The following RFX3 variants were observed in gnomAD, a reference collection of about 807,000 sequenced individuals.
RFX3 encodes regulatory factor X3, also known as transcription factor RFX3.
RFX3 carries 14 observed loss-of-function variants against 98.6 expected under a neutral mutation model. That is an observed-to-expected ratio of 0.14 (90% confidence interval 0.09 to 0.22). The LOEUF (loss-of-function observed/expected upper bound fraction) is 0.22, where lower values mean the gene tolerates loss of function less well. Ranked by LOEUF, RFX3 falls within the 10% of genes least tolerant of loss-of-function variation. The probability of loss-of-function intolerance (pLI) is 1.00; values close to 1 mark genes in which losing one functional copy is unlikely to be tolerated. For missense variants in RFX3, 639 were observed against 926.9 expected (o/e 0.69, Z 4.03); for synonymous variants, 383 against 328.4 (o/e 1.17, Z -1.80).
intron 1 of RFX3, among the ~76,000 whole-genome samples, chr9:3,425,971 C>T (rs1303139874): frequency 6.6e-6 from 1 of 152,068 alleles, no homozygotes; most frequent in Non-Finnish European, 1.5e-5. Flanking sequence ...CTTGAATTTT[C>T]ACTTAGCTTT....
intron 1 of RFX3, among the ~76,000 whole-genome samples, chr9:3,447,122 C>T (rs2132788646): frequency 6.6e-6 from 1 of 152,126 alleles, no homozygotes; most frequent in Middle Eastern, 3.4e-3. Flanking sequence ...AAATTCACAC[C>T]TTGATAATTT....
At chr9:3,401,554 T>A (rs1033862860) in intron 1 of RFX3, among the ~76,000 whole-genome samples, 7 of 152,208 alleles carry the variant, frequency 4.6e-5, no homozygotes, top group Non-Finnish European at 7.3e-5. Context: ...CAGTCACAAA[T>A]GCCGTCACAT....
At position 3,458,961 on chromosome 9, in the gene RFX3, G is replaced by A. The variant is rs909144889; in HGVS notation, c.-8-63365C>T. Among the ~76,000 whole-genome samples the A allele has an allele frequency of 7.2e-5, 11 of 152,192 alleles. No homozygotes were observed. The East Asian group carries it at 1.2e-3, about 16-fold the overall frequency. ...GTATTGAAAACATTCCTGCATTGCC[G>A]TAGACACTGAATTAAATAAATGCTA... On this transcript the variant is annotated intron_variant, in intron 1 of 16. Coordinates refer to ENST00000617270, the MANE Select transcript of RFX3 (RefSeq NM_001282116.2).
intron 1 of RFX3, among the ~76,000 whole-genome samples, chr9:3,444,258 C>T (rs1845843869): frequency 6.6e-6 from 1 of 152,032 alleles, no homozygotes; most frequent in Admixed American, 6.6e-5. Flanking sequence ...CCATTACAGG[C>T]AACAATATAG....
At chr9:3,460,315 G>A (rs1261935556) in intron 1 of RFX3, among the ~76,000 whole-genome samples, 1 of 151,978 alleles carries the variant, frequency 6.6e-6, no homozygotes, top group South Asian at 2.1e-4. Flanking sequence ...ATTTTCTTAT[G>A]AGATGCAAAT....
chr9:3,394,509 A>T (rs543198955), intron 2 of RFX3, among the ~76,000 whole-genome samples: 1 of 152,328 alleles, frequency 6.6e-6, no homozygotes, highest in South Asian at 2.1e-4. Context: ...AGATGTCTTT[A>T]CTTATCCTAA....
rs117094953 is a variant in RFX3, at chr9:3,443,997, G to C, written c.-8-48401C>G. Among the ~76,000 whole-genome samples, 1,520 of 152,306 alleles carry C rather than the reference G, an allele frequency of 1.0e-2. 11 individuals are homozygous for C. Among genetic ancestry groups the C allele is most frequent in the Non-Finnish European group, 0.016 (1,084 of 68,014 alleles). ...GAATTTAAAACAGTGCAAACAGTCTGTGTAACAGTTTGGGAGTTTCTTAAA... is the reference window on the plus strand; with the variant it reads ...GAATTTAAAACAGTGCAAACAGTCTCTGTAACAGTTTGGGAGTTTCTTAAA... On this transcript the variant is annotated intron_variant, in intron 1 of 16. Coordinates refer to ENST00000617270, the MANE Select transcript of RFX3 (RefSeq NM_001282116.2).
rs576636730 is a variant in RFX3, at chr9:3,351,472, T to TAAC, written c.118-4711_118-4709dup. Reference sequence around the variant, plus strand: ...CCATAAGAGCAAGTCAGATTTGAACTAACAACAACAACAACAACAACAAAG... The same window carrying TAAC: ...CCATAAGAGCAAGTCAGATTTGAACTAACAACAACAACAACAACAACAACAAAG... On this transcript the variant is annotated intron_variant, in intron 2 of 16. Coordinates refer to ENST00000617270, the MANE Select transcript of RFX3 (RefSeq NM_001282116.2). 3.1e-3 allele frequency among the ~76,000 whole-genome samples: 470 copies of TAAC among 151,640 alleles called. 1 individual carries two copies. The highest frequency in any genetic ancestry group is 5.5e-3 in the Admixed American group (84 of 15,202).
At chr9:3,378,478 G>A (rs1261749115) in intron 2 of RFX3, among the ~76,000 whole-genome samples, 2 of 151,400 alleles carry the variant, frequency 1.3e-5, no homozygotes, top group East Asian at 3.9e-4. Context: ...TCTATATCTT[G>A]GCTATATCTC....
intron 14 of RFX3, among the ~76,000 whole-genome samples, chr9:3,250,926 C>T (rs1270439472): frequency 1.3e-5 from 2 of 152,108 alleles, no homozygotes; most frequent in African/African-American, 4.8e-5. Flanking sequence ...GCATTGAGAT[C>T]ACACACTTCA....
intron 3 of RFX3, among the ~76,000 whole-genome samples, chr9:3,338,743 A>G (rs1005782639): frequency 1.3e-5 from 2 of 152,170 alleles, no homozygotes; most frequent in Non-Finnish European, 2.9e-5. Flanking sequence ...ACTAGTTGAT[A>G]CTACAATTAT....
rs185558284 is a variant in RFX3, at chr9:3,439,332, T to C, written c.-8-43736A>G. ...AAAGTAAGGATCATGGTCAAATTCA[T>C]TGAAATAGAAAACAGAATAATAGAA... On this transcript the variant is annotated intron_variant, in intron 1 of 16. Coordinates refer to ENST00000617270, the MANE Select transcript of RFX3 (RefSeq NM_001282116.2). Among the ~76,000 whole-genome samples, 30 of 151,896 alleles carry C rather than the reference T, an allele frequency of 2.0e-4. No individual in the cohort carries two copies. The East Asian group carries it at 4.4e-3, about 22-fold the overall frequency.
At chr9:3,442,329 C>A (rs577508841) in intron 1 of RFX3, among the ~76,000 whole-genome samples, 9 of 151,440 alleles carry the variant, frequency 5.9e-5, no homozygotes, top group African/African-American at 1.9e-4. Context: ...AGAAAGGCAC[C>A]TCTCCCAAAA....
At chr9:3,324,490 A>C (rs1831665755) in intron 4 of RFX3, among the ~76,000 whole-genome samples, 3 of 151,972 alleles carry the variant, frequency 2.0e-5, no homozygotes, top group Admixed American at 6.6e-5. Flanking sequence ...CTTAAATATA[A>C]GGGAGTTCTT....
chr9:3,510,072 T>C (rs1441924631), intron 1 of RFX3, among the ~76,000 whole-genome samples: 1 of 152,006 alleles, frequency 6.6e-6, no homozygotes, highest in Non-Finnish European at 1.5e-5. Flanking sequence ...CATGTGTGAC[T>C]CTAGTGAGAG....
intron 3 of RFX3, among the ~76,000 whole-genome samples, chr9:3,333,737 C>T (rs1832852800): frequency 6.6e-6 from 1 of 152,068 alleles, no homozygotes; most frequent in African/African-American, 2.4e-5. Context: ...ACAATAAATA[C>T]TTTGAGAGAT....
Position 3,271,110 on chromosome 9 carries a change from C to T in RFX3, c.1095G>A (p.Leu365=), listed in dbSNP as rs1419949335. Residue 365 remains leucine (L), a synonymous_variant, in exon 10 of 17, where the codon TTG becomes TTA. Transcript: ENST00000617270. ...TAAATTGAAGATTCACAACAACGTC[C>T]AATATTGCCTAAAAAACAAAATGGT... ...SLYREHCEAI[L]DVVVNLQFSL... The T allele has an allele frequency of 2.5e-6, 4 of 1,613,460 alleles. No individual in the cohort carries two copies. The East Asian group carries it at 6.7e-5, about 27-fold the overall frequency.
chr9:3,301,756 T>C (rs1828685898), intron 4 of RFX3, 136 bp from the exon 5 acceptor site: 2 of 540,920 alleles, frequency 3.7e-6, no homozygotes, highest in South Asian at 3.1e-5. Context: ...ACTTAATGTG[T>C]TTTCTCCCCT....
intron 2 of RFX3, among the ~76,000 whole-genome samples, chr9:3,376,494 A>G (rs1338510183): frequency 2.6e-5 from 4 of 152,198 alleles, no homozygotes; most frequent in African/African-American, 9.6e-5. Flanking sequence ...CCTCTCATAC[A>G]CACAATAACA....
Sources: allele counts gnomAD v4.1 joint callset (sites outside exome capture counted in the v4.1 genomes callset), GRCh38; gene constraint gnomAD v4.1.1; transcripts MANE v1.5; gene names NCBI Gene and HGNC (gene_info 2026-07-23, HGNC 2026-07-21).